DPH6: variants seen among roughly 807,000 people sequenced by gnomAD.
The protein encoded by DPH6 is diphthine--ammonia ligase.
Under a neutral mutation model 38.2 loss-of-function variants are expected in DPH6, and 33 were observed. The ratio of observed to expected loss-of-function variants is 0.86; its 90% CI spans 0.65 to 1.15. The LOEUF (loss-of-function observed/expected upper bound fraction) is 1.15, where lower values mean the gene tolerates loss of function less well. DPH6 is among the 50% of genes most tolerant of loss of function. The probability of loss-of-function intolerance (pLI) is 0.00; values close to 1 mark genes in which losing one functional copy is unlikely to be tolerated. For missense variants in DPH6, 325 were observed against 320.0 expected (o/e 1.02, Z -0.12); for synonymous variants, 108 against 103.0 (o/e 1.05, Z -0.30).
chr15:35,230,682 T>C (rs1229385252), intron 3 of DPH6, among the ~76,000 whole-genome samples: 1 of 152,218 alleles, frequency 6.6e-6, no homozygotes. Context: ...TGGGTATTGC[T>C]GCTGGTTATT....
chr15:35,426,133 G>C (rs1002447596), intron 5 of DPH6, among the ~76,000 whole-genome samples: 14 of 151,144 alleles, frequency 9.3e-5, no homozygotes, highest in Non-Finnish European at 1.6e-4. Context: ...TTCTTAAGTT[G>C]AAAATGGTAG....
chr15:35,300,466 A>T (rs2052047421), intron 3 of DPH6, among the ~76,000 whole-genome samples: 1 of 152,202 alleles, frequency 6.6e-6, no homozygotes, highest in Admixed American at 6.5e-5. Flanking sequence ...GGAGATGAAA[A>T]GCAGCAGGTA....
the DPH6 span, among the ~76,000 whole-genome samples, chr15:35,155,010 C>T: frequency 6.6e-6 from 1 of 152,102 alleles, no homozygotes; most frequent in Non-Finnish European, 1.5e-5. Flanking sequence ...GAAAATGTAA[C>T]GTTTTACAAC....
rs185151604 is a variant in DPH6, at chr15:35,441,607, C to T, written c.505+9078G>A. Among the ~76,000 whole-genome samples the T allele has an allele frequency of 2.4e-4, 36 of 152,212 alleles. 1 individual carries two copies. Among genetic ancestry groups the T allele is most frequent in the African/African-American group, 7.0e-4 (29 of 41,538 alleles). On this transcript the variant is annotated intron_variant, in intron 5 of 8. Coordinates refer to ENST00000256538, the MANE Select transcript of DPH6 (RefSeq NM_080650.4). Reference sequence around the variant, plus strand: ...TTCTCACTCGTAAGTGGGAGTTGAACAATGAGAACACTTGGATACAGGGAG... The same window carrying T: ...TTCTCACTCGTAAGTGGGAGTTGAATAATGAGAACACTTGGATACAGGGAG...
chr15:35,467,251 T>C (rs988742979), intron 3 of DPH6, among the ~76,000 whole-genome samples: 14 of 152,220 alleles, frequency 9.2e-5, no homozygotes, highest in Non-Finnish European at 1.5e-4. Flanking sequence ...TTTTTTACTC[T>C]TTAAGCTTTT....
intron 3 of DPH6, chr15:35,299,258 C>G: frequency 9.1e-7 from 1 of 1,095,954 alleles, no homozygotes; most frequent in South Asian, 1.2e-5. Context: ...GCCCGGTCAT[C>G]TGAGGAGCCA....
intron 6 of DPH6, among the ~76,000 whole-genome samples, chr15:35,398,867 C>G (rs1028754197): frequency 6.6e-6 from 1 of 152,126 alleles, no homozygotes; most frequent in African/African-American, 2.4e-5. Context: ...TTGGTGTCTG[C>G]TGAGGAATTG....
the DPH6 span, among the ~76,000 whole-genome samples, chr15:35,161,551 G>A: frequency 6.6e-6 from 1 of 151,892 alleles, no homozygotes; most frequent in African/African-American, 2.4e-5. Context: ...ATGTTGAAAC[G>A]CTAATCTCCA....
chr15:35,266,287 G>T (rs1339554359), intron 3 of DPH6, among the ~76,000 whole-genome samples: 2 of 152,122 alleles, frequency 1.3e-5, no homozygotes, highest in Non-Finnish European at 2.9e-5. Flanking sequence ...AGTAGACAGC[G>T]TATGAAAGAG....
At chr15:35,201,345 A>G in the DPH6 span, among the ~76,000 whole-genome samples, 1 of 151,822 alleles carries the variant, frequency 6.6e-6, no homozygotes, top group African/African-American at 2.4e-5. Flanking sequence ...TGATCTTTGT[A>G]TGGATTCTAG....
At chr15:35,338,928 A>G (rs912969843) in intron 3 of DPH6, among the ~76,000 whole-genome samples, 5 of 152,124 alleles carry the variant, frequency 3.3e-5, no homozygotes, top group African/African-American at 1.2e-4. Flanking sequence ...AAACTATCAC[A>G]AGGACAAAAA....
At chr15:35,506,991 C>T (rs1168420534) in intron 3 of DPH6, among the ~76,000 whole-genome samples, 4 of 151,988 alleles carry the variant, frequency 2.6e-5, no homozygotes, top group Non-Finnish European at 4.4e-5. Flanking sequence ...AACTTGTATC[C>T]TACACTGCTA....
intron 6 of DPH6, among the ~76,000 whole-genome samples, chr15:35,386,993 T>C (rs1167837883): frequency 1.3e-5 from 2 of 152,240 alleles, no homozygotes; most frequent in Non-Finnish European, 2.9e-5. Context: ...TGTAAGTCTT[T>C]AATCCATCTT....
At chr15:35,145,918 A>G in the DPH6 span, among the ~76,000 whole-genome samples, 3 of 152,310 alleles carry the variant, frequency 2.0e-5, no homozygotes, top group East Asian at 5.8e-4. Context: ...TTTAAAAACA[A>G]ATAGTATATG....
At chr15:35,158,283 T>C in the DPH6 span, among the ~76,000 whole-genome samples, 31 of 152,242 alleles carry the variant, frequency 2.0e-4, no homozygotes, top group Non-Finnish European at 3.8e-4. Context: ...GTTTTTTATA[T>C]CTTGATTGGC....
intron 5 of DPH6, among the ~76,000 whole-genome samples, chr15:35,449,229 G>A (rs981017475): frequency 2.6e-5 from 4 of 151,788 alleles, no homozygotes; most frequent in Admixed American, 2.6e-4. Flanking sequence ...TGCTGTAAAT[G>A]TTAAAATCAG....
At chr15:35,288,377 AG>A (rs1369907727) in intron 3 of DPH6, among the ~76,000 whole-genome samples, 11 of 152,204 alleles carry the variant, frequency 7.2e-5, no homozygotes. Flanking sequence ...CTTACCAGTA[AG>A]GTTTTGGAAA....
chr15:35,276,900 T>G (rs1224920399), intron 3 of DPH6, among the ~76,000 whole-genome samples: 1 of 152,202 alleles, frequency 6.6e-6, no homozygotes, highest in Non-Finnish European at 1.5e-5. Context: ...TAGTCTTGCT[T>G]TGGATATGTG....
chr15:35,245,554 C>A (rs1013325543), intron 3 of DPH6, among the ~76,000 whole-genome samples: 7 of 151,922 alleles, frequency 4.6e-5, no homozygotes, highest in African/African-American at 9.7e-5. Context: ...GTTTAAATTG[C>A]GAGAAAAAGT....
Sources: allele counts gnomAD v4.1 joint callset (sites outside exome capture counted in the v4.1 genomes callset), GRCh38; gene constraint gnomAD v4.1.1; transcripts MANE v1.5; gene names NCBI Gene and HGNC (gene_info 2026-07-23, HGNC 2026-07-21).